The following HMGXB4 variants were observed in gnomAD, a reference collection of about 807,000 sequenced individuals.
HMGXB4 encodes the protein HMG-box containing 4.
Under a neutral mutation model 63.9 loss-of-function variants are expected in HMGXB4, and 27 were observed. The observed-to-expected ratio is 0.42, with a 90% CI of 0.31 to 0.58. The LOEUF is 0.58. Among genes scored for constraint, HMGXB4 ranks in the 20% least tolerant of loss-of-function variants. HMGXB4 has a pLI of 0.13. For missense variants in HMGXB4, 624 were observed against 700.7 expected, an observed-to-expected ratio of 0.89 and a Z score of 1.24; for synonymous variants, 264 against 265.3, an observed-to-expected ratio of 0.99 and a Z score of 0.05.
intron 9 of HMGXB4, 90 bp from the exon 10 acceptor site, chr22:35,292,902 C>A: frequency 1.4e-6 from 2 of 1,472,934 alleles, no homozygotes; most frequent in Non-Finnish European, 1.9e-6. Flanking sequence ...AAGAGTAGAA[C>A]TGCCTAGGAT....
At position 35,264,118 on chromosome 22, in the gene HMGXB4, C is replaced by T. The variant is rs1428050924; in HGVS notation, c.259+244C>T. On this transcript the variant is annotated intron_variant, in intron 4 of 10. Coordinates refer to ENST00000216106, the MANE Select transcript of HMGXB4 (RefSeq NM_001003681.3). ...CCAGGTACCAGGTTCCTTCTCCCCC[C>T]AATCATCCACTTATCTTGTGCCCAT... 8 of 1,396,696 alleles carry T rather than the reference C, an allele frequency of 5.7e-6. 1 individual carries two copies. The Admixed American group carries it at 8.0e-5, about 14-fold the overall frequency. 86.5% of individuals were successfully genotyped at this position (1,396,696 alleles called of 1,614,324 possible). A position where few individuals can be genotyped will look rare whatever the true frequency, so the allele number is the denominator to read the frequency against.
chr22:35,282,382 T>C (rs1924315714), intron 5 of HMGXB4, among the ~76,000 whole-genome samples: 1 of 152,154 alleles, frequency 6.6e-6, no homozygotes, highest in Non-Finnish European at 1.5e-5. Context: ...TTCACCGTGT[T>C]AGCCAGGATG....
At position 35,265,457 on chromosome 22, in the gene HMGXB4, A is replaced by T; in HGVS notation, c.1069A>T (p.Thr357Ser). 6.2e-7 allele frequency: 1 copy of T among 1,614,200 alleles called. No individual in the cohort carries two copies. The highest frequency in any genetic ancestry group is 1.3e-5 in the African/African-American group (1 of 75,058). ...TTCTGCCGTGCCAGTGGGAGAGGTCACAGTGACATCTGGCCCTCCTCCCAG... is the reference window on the plus strand; with the variant it reads ...TTCTGCCGTGCCAGTGGGAGAGGTCTCAGTGACATCTGGCCCTCCTCCCAG... The part of the protein sequence containing the change: ...GLSAVPVGEV[T>S]VTSGPPPSIP... The change falls in exon 5 of 11, where the codon ACA becomes TCA. Residue 357 changes from threonine to serine, a missense_variant. Thr to Ser is a moderately conservative substitution (Grantham distance 58). This residue lies in a region of HMGXB4 where 472 missense variants were observed against 470.6 expected (regional missense o/e 1.00). Transcript: ENST00000216106.
At chr22:35,253,172 T>C (rs1373490321), upstream of HMGXB4, among the ~76,000 whole-genome samples, 4 of 143,000 alleles carry the variant, frequency 2.8e-5, no homozygotes, top group Admixed American at 6.8e-5. Flanking sequence ...TTAGCTGAAG[T>C]ATAAGCTCAT....
chr22:35,287,778 G>A (rs950571829), intron 8 of HMGXB4, among the ~76,000 whole-genome samples: 31 of 152,044 alleles, frequency 2.0e-4, no homozygotes, highest in Non-Finnish European at 2.9e-4. Flanking sequence ...GAGAAACCCC[G>A]TCTCTACTGA....
chr22:35,273,266 C>T (rs1409422848), intron 5 of HMGXB4, among the ~76,000 whole-genome samples: 1 of 152,208 alleles, frequency 6.6e-6, no homozygotes, highest in Non-Finnish European at 1.5e-5. Flanking sequence ...TTATCATTAG[C>T]CCCACTGACG....
At chr22:35,275,158 C>T (rs1157072089) in intron 5 of HMGXB4, among the ~76,000 whole-genome samples, 2 of 122,868 alleles carry the variant, frequency 1.6e-5, no homozygotes, top group African/African-American at 3.5e-5. Context: ...TCGCTCTTGT[C>T]GCCCAGGCTG....
intron 5 of HMGXB4, among the ~76,000 whole-genome samples, chr22:35,280,009 T>C (rs949413944): frequency 2.6e-5 from 4 of 152,174 alleles, no homozygotes; most frequent in African/African-American, 9.7e-5. Context: ...TCAGTTGATG[T>C]CTTCAAAATA....
chr22:35,281,879 T>G (rs1160603085), intron 5 of HMGXB4, among the ~76,000 whole-genome samples: 1 of 152,238 alleles, frequency 6.6e-6, no homozygotes, highest in Non-Finnish European at 1.5e-5. Flanking sequence ...GTTCTAGGAA[T>G]GTTTCTATTC....
In HMGXB4 at chr22:35,257,498, C is replaced by T. The variant is rs1367590233; in HGVS notation, c.-128C>T. 2.6e-5 allele frequency: 4 copies of T among 152,924 alleles called. No homozygotes were observed. The highest frequency in any genetic ancestry group is 2.9e-5 in the Non-Finnish European group (2 of 68,254). The allele number at this position is 152,924 out of a possible 1,614,324, so 9.5% of individuals were successfully genotyped here. ...CCCTGGCCGCTCGCGCTTTTCTCTC[C>T]TTCTCCAAGATGGCGGCGATCGGCG... On this transcript the variant is annotated 5_prime_UTR_variant, in exon 1 of 11. Coordinates refer to ENST00000216106, the MANE Select transcript of HMGXB4 (RefSeq NM_001003681.3).
intron 3 of HMGXB4, 61 bp downstream of exon 3, chr22:35,263,287 AG>A: frequency 7.3e-7 from 1 of 1,376,316 alleles, no homozygotes; most frequent in South Asian, 1.3e-5. Context: ...TTGGTGATGC[AG>A]AGTTTTTTTT....
chr22:35,256,338 C>T (rs953094807), upstream of HMGXB4, among the ~76,000 whole-genome samples: 3 of 152,172 alleles, frequency 2.0e-5, no homozygotes, highest in Admixed American at 1.3e-4. Context: ...TTTTACGTTG[C>T]ATGGGGTTCA....
chr22:35,255,952 A>T (rs1266873279), upstream of HMGXB4, among the ~76,000 whole-genome samples: 1 of 152,250 alleles, frequency 6.6e-6, no homozygotes, highest in African/African-American at 2.4e-5. Flanking sequence ...GCTGCGGAGA[A>T]AAAGGCCATG....
chr22:35,262,406 T>G lies in HMGXB4; in HGVS notation c.16T>G (p.Ser6Ala). Reference protein sequence around the residue: MAYDDSVKKEDCFDGD... With the variant: MAYDDAVKKEDCFDGD... ...CAGGACCACCATGGCTTATGATGAC[T>G]CCGTGAAGAAAGAAGGTATGACCCC... The change falls in exon 2 of 11, where the codon TCC becomes GCC. Residue 6 changes from serine (S) to alanine (A), a missense_variant. This residue lies in a region of HMGXB4 where 472 missense variants were observed against 470.6 expected (regional missense o/e 1.00). Coordinates refer to ENST00000216106, the MANE Select transcript of HMGXB4 (RefSeq NM_001003681.3). 4 of 1,614,026 alleles carry G rather than the reference T, an allele frequency of 2.5e-6. No individual in the cohort carries two copies. Among genetic ancestry groups the G allele is most frequent in the Non-Finnish European group, 3.4e-6 (4 of 1,179,922 alleles).
intron 5 of HMGXB4, among the ~76,000 whole-genome samples, chr22:35,268,892 C>T (rs1009424269): frequency 1.3e-5 from 2 of 152,176 alleles, no homozygotes; most frequent in African/African-American, 4.8e-5. Context: ...TGAAGCTCTG[C>T]CCTCTTTGCA....
chr22:35,252,040 C>T, the HMGXB4 span, among the ~76,000 whole-genome samples: 1 of 152,058 alleles, frequency 6.6e-6, no homozygotes, highest in African/African-American at 2.4e-5. Flanking sequence ...CATGGTGAAA[C>T]CCCGACTCTA....
chr22:35,290,162 C>A (rs899924651), intron 9 of HMGXB4, among the ~76,000 whole-genome samples: 1 of 152,122 alleles, frequency 6.6e-6, no homozygotes, highest in Non-Finnish European at 1.5e-5. Context: ...ATCATTCTTA[C>A]GTTTCGTAAG....
At chr22:35,284,124 C>A in intron 6 of HMGXB4, 81 bp downstream of exon 6, 1 of 958,958 alleles carries the variant, frequency 1.0e-6, no homozygotes, top group Non-Finnish European at 1.7e-6. Flanking sequence ...CTTCCTGTAG[C>A]ATTAGAGCAT....
At chr22:35,276,023 T>G (rs1339445493) in intron 5 of HMGXB4, among the ~76,000 whole-genome samples, 1 of 152,240 alleles carries the variant, frequency 6.6e-6, no homozygotes, top group Non-Finnish European at 1.5e-5. Flanking sequence ...ATTTGGAATC[T>G]CATGGAAATG....
Sources: gnomAD v4.1 joint callset for allele counts (sites outside exome capture counted in the v4.1 genomes callset) on GRCh38, gnomAD v4.1.1 for gene constraint, gnomAD v4.1.1 regional missense constraint, MANE v1.5 for transcripts, NCBI Gene and HGNC (gene_info 2026-07-23, HGNC 2026-07-21) for gene names.